Variants in SNX14 observed in about 807,000 individuals in gnomAD.
SNX14 encodes the protein sorting nexin 14.
In SNX14, 93 loss-of-function variants were observed where a neutral mutation model predicts 133.8. The ratio of observed to expected loss-of-function variants is 0.70; its 90% CI spans 0.59 to 0.83. The LOEUF (loss-of-function observed/expected upper bound fraction) is 0.83, where lower values mean the gene tolerates loss of function less well. Ranked by LOEUF, SNX14 falls within the 40% of genes least tolerant of loss-of-function variation. SNX14 has a pLI of 0.00. For missense variants in SNX14, 945 were observed against 1,094.9 expected, an observed-to-expected ratio of 0.86 and a Z score of 1.93; for synonymous variants, 368 against 365.6, an observed-to-expected ratio of 1.01 and a Z score of -0.07.
chr6:85,538,081 T>C (rs9444351), intron 16 of SNX14, among the ~76,000 whole-genome samples: 70,472 of 152,068 alleles, frequency 0.46, 17,752 homozygotes, highest in Middle Eastern at 0.59. Flanking sequence ...AATTAAGTTA[T>C]CTACTGAAAT....
Position 85,536,821 on chromosome 6 carries a change from A to C in SNX14, c.1579T>G (p.Tyr527Asp), listed in dbSNP as rs1243492170. The change falls in exon 17 of 29, where the codon TAT becomes GAT. Residue 527 changes from tyrosine (Y) to aspartate (D), a missense_variant. Around this residue, in one of 3 missense-constraint regions of SNX14, gnomAD observed 412 missense variants for 516.6 expected, o/e 0.80. Coordinates refer to ENST00000314673, the MANE Select transcript of SNX14 (RefSeq NM_153816.6). ...TCATCTTCACCTTCAGCTACACCATAATTAGGCAACATAGCTCCCTCCATT... is the reference window on the plus strand; with the variant it reads ...TCATCTTCACCTTCAGCTACACCATCATTAGGCAACATAGCTCCCTCCATT... ...TTMEGAMLPN[Y>D]GVAEGEDDFI... 6.2e-7 allele frequency: 1 copy of C among 1,612,934 alleles called. No individual in the cohort carries two copies. Among genetic ancestry groups the C allele is most frequent in the Non-Finnish European group, 8.5e-7 (1 of 1,179,546 alleles).
At chr6:85,534,070 A>T (rs1230196270) in intron 17 of SNX14, among the ~76,000 whole-genome samples, 3 of 152,188 alleles carry the variant, frequency 2.0e-5, no homozygotes, top group African/African-American at 7.2e-5. Flanking sequence ...CACTTTCAGA[A>T]GCTGAGGTGG....
rs192822806 is a variant in SNX14, at chr6:85,529,086, C to A, written c.1895-724G>T. ...AAAAAAGGCCACCAACATGATGAAACCCTGTCTCTACTAAAAATACAAAAT... is the reference window on the plus strand; with the variant it reads ...AAAAAAGGCCACCAACATGATGAAAACCTGTCTCTACTAAAAATACAAAAT... On this transcript the variant is annotated intron_variant, in intron 19 of 28. Coordinates refer to ENST00000314673, the MANE Select transcript of SNX14 (RefSeq NM_153816.6). Among the ~76,000 whole-genome samples the A allele has an allele frequency of 1.4e-4, 21 of 150,864 alleles. No individual in the cohort carries two copies. In the East Asian group the frequency reaches 4.1e-3, roughly 29 times the overall value.
At chr6:85,567,441 A>G in intron 5 of SNX14, 93 bp downstream of exon 5, 1 of 945,038 alleles carries the variant, frequency 1.1e-6, no homozygotes, top group Non-Finnish European at 1.6e-6. Flanking sequence ...AAGTTGAGAA[A>G]TCCTGGTCTA....
chr6:85,547,571 T>C, intron 9 of SNX14, 21 bp from the exon 10 acceptor site: 2 of 1,556,638 alleles, frequency 1.3e-6, no homozygotes, highest in Non-Finnish European at 1.7e-6. Context: ...ATAATAAACA[T>C]AAGTCAAAAT....
At chr6:85,593,523 G>C in intron 1 of SNX14, 56 bp downstream of exon 1, 1 of 1,556,244 alleles carries the variant, frequency 6.4e-7, no homozygotes, top group Non-Finnish European at 8.7e-7. Flanking sequence ...AGCACGGGCC[G>C]GGCGTCTGCA....
intron 26 of SNX14, 108 bp from the exon 27 acceptor site, chr6:85,508,167 A>C (rs1452053994): frequency 6.9e-7 from 1 of 1,459,310 alleles, no homozygotes; most frequent in East Asian, 2.5e-5. Context: ...CTAGGCAAAA[A>C]CTGCAAATCA....
At chr6:85,538,487 T>C (rs1260490707) in intron 16 of SNX14, among the ~76,000 whole-genome samples, 2 of 152,106 alleles carry the variant, frequency 1.3e-5, no homozygotes, top group East Asian at 1.9e-4. Context: ...ATCATACTTA[T>C]TTTAAAAAAA....
chr6:85,516,157 C>T (rs1774894609), intron 23 of SNX14, among the ~76,000 whole-genome samples: 3 of 152,114 alleles, frequency 2.0e-5, no homozygotes, highest in Non-Finnish European at 2.9e-5. Context: ...TTATAGTTTT[C>T]ATAAGCACAA....
intron 1 of SNX14, among the ~76,000 whole-genome samples, 173 bp from the exon 2 acceptor site, chr6:85,574,551 T>C (rs562632732): frequency 6.6e-6 from 1 of 152,206 alleles, no homozygotes; most frequent in Admixed American, 6.5e-5. Context: ...ATAAGATGTA[T>C]GCTATCAAAT....
chr6:85,525,679 G>A (rs896585131), intron 21 of SNX14, among the ~76,000 whole-genome samples: 1 of 152,084 alleles, frequency 6.6e-6, no homozygotes, highest in Non-Finnish European at 1.5e-5. Context: ...AATACAAAAT[G>A]AGGAAGAGCA....
chr6:85,561,825 G>GTT (rs530342992), intron 6 of SNX14, among the ~76,000 whole-genome samples: 3 of 136,522 alleles, frequency 2.2e-5, no homozygotes, highest in Non-Finnish European at 4.8e-5. Flanking sequence ...TTTCTTTTTT[G>GTT]TTTTTTTTTT....
intron 1 of SNX14, among the ~76,000 whole-genome samples, chr6:85,575,980 C>T (rs761859268): frequency 5.9e-5 from 9 of 152,180 alleles, no homozygotes; most frequent in East Asian, 1.9e-4. Context: ...CTTTAATTCT[C>T]AATGTTTCTA....
intron 21 of SNX14, among the ~76,000 whole-genome samples, chr6:85,518,319 CGTTGAGTAAGAA>C (rs577350766): frequency 2.9e-3 from 440 of 152,166 alleles, no homozygotes; most frequent in Non-Finnish European, 5.2e-3. Flanking sequence ...TTGATAACAA[CGTTGAGTAAGAA>C]GTTTATTACA....
chr6:85,518,941 T>C (rs1337920010), intron 21 of SNX14, among the ~76,000 whole-genome samples: 2 of 152,246 alleles, frequency 1.3e-5, no homozygotes, highest in East Asian at 3.8e-4. Context: ...CTCTAATCTC[T>C]GCCTGTCTCC....
In SNX14 at chr6:85,538,847, T is replaced by C; in HGVS notation, c.1466A>G (p.Asp489Gly). ...SKLNRGSLSL[D>G]DFRNTQKRGE... ...CATGCTCAAGACTTACCGAAAATCA[T>C]CCAAACTTAGGCTACCTCTGCAATA... Residue 489 changes from aspartate (D) to glycine (G), a missense_variant, in exon 16 of 29, where the codon GAT becomes GGT. Asp to Gly is a moderately conservative substitution (Grantham distance 94). Transcript: ENST00000314673. 1 of 1,599,284 alleles carries C rather than the reference T, an allele frequency of 6.3e-7. No individual in the cohort carries two copies. The highest frequency in any genetic ancestry group is 8.5e-7 in the Non-Finnish European group (1 of 1,174,464).
intron 26 of SNX14, chr6:85,508,268 T>C (rs1771446237): frequency 1.0e-5 from 12 of 1,198,820 alleles, no homozygotes; most frequent in African/African-American, 1.6e-5. Flanking sequence ...TATCCCATTT[T>C]TGGAGATTCA....
intron 20 of SNX14, among the ~76,000 whole-genome samples, chr6:85,527,677 T>G (rs928483694): frequency 5.3e-5 from 8 of 152,156 alleles, no homozygotes; most frequent in Non-Finnish European, 1.0e-4. Context: ...GTAACTTTTA[T>G]GATGACTGTA....
rs145397803 is a variant in SNX14 at position 85,563,684 on chromosome 6, C to T, written c.549+1648G>A. 3.3e-3 allele frequency among the ~76,000 whole-genome samples: 506 copies of T among 152,192 alleles called. 9 individuals are homozygous for T. Among genetic ancestry groups the T allele is most frequent in the African/African-American group, 0.011 (474 of 41,526 alleles). Reference sequence around the variant, plus strand: ...CTGGGATTACAGGCGTGAGCCACCGCGCCTGGCTGAGAAAAATATTTTTTA... The same window carrying T: ...CTGGGATTACAGGCGTGAGCCACCGTGCCTGGCTGAGAAAAATATTTTTTA... On this transcript the variant is annotated intron_variant, in intron 6 of 28. Transcript: ENST00000314673.
Sources: gnomAD v4.1 joint callset for allele counts (sites outside exome capture counted in the v4.1 genomes callset) on GRCh38, gnomAD v4.1.1 for gene constraint, gnomAD v4.1.1 regional missense constraint, MANE v1.5 for transcripts, NCBI Gene and HGNC (gene_info 2026-07-23, HGNC 2026-07-21) for gene names.